HSPA12B: variants seen among roughly 807,000 people sequenced by gnomAD.
HSPA12B encodes the protein heat shock protein family A (Hsp70) member 12B, also known as heat shock 70 kDa protein 12B.
In HSPA12B, 54 loss-of-function variants were observed where a neutral mutation model predicts 69.3. That is an observed-to-expected ratio of 0.78 (90% CI 0.63 to 0.98). The LOEUF (loss-of-function observed/expected upper bound fraction) is 0.98. Among genes scored for constraint, HSPA12B ranks in the 50% least tolerant of loss-of-function variants. The probability of loss-of-function intolerance (pLI) is 0.00; values close to 1 mark genes in which losing one functional copy is unlikely to be tolerated. For missense variants in HSPA12B, 929 were observed against 999.8 expected (o/e 0.93, Z 0.96); for synonymous variants, 441 against 436.5 (o/e 1.01, Z -0.13).
At position 3,753,099 on chromosome 20, in the gene HSPA12B, T is replaced by G. The variant is rs555638027; in HGVS notation, c.*933T>G. On this transcript the variant is annotated 3_prime_UTR_variant, in exon 13 of 13. Coordinates refer to ENST00000254963, the MANE Select transcript of HSPA12B (RefSeq NM_052970.5). The stretch of plus-strand genomic sequence containing the variant: ...CCCTGAGGTGACAATAAAACATTTA[T>G]GCTCAAGGGGAAGCCACAGCCTGCT... 6.5e-6 allele frequency: 1 copy of G among 152,806 alleles called. No homozygotes were observed. Among genetic ancestry groups the G allele is most frequent in the African/African-American group, 2.4e-5 (1 of 41,448 alleles). 9.5% of individuals were successfully genotyped at this position (152,806 alleles called of 1,614,324 possible). A position where few individuals can be genotyped will look rare whatever the true frequency, so the allele number is the denominator to read the frequency against.
In HSPA12B at chr20:3,742,273, T is replaced by G; in HGVS notation, c.142-11T>G. The G allele has an allele frequency of 6.2e-7, 1 of 1,613,190 alleles. No individual in the cohort carries two copies. Among genetic ancestry groups the G allele is most frequent in the Non-Finnish European group, 8.5e-7 (1 of 1,179,366 alleles). ...CTGGCTGCTTGCTAATTCTAAGTCT[T>G]GCACTTGCAGAAACCCGAGGTCCGA... is the stretch of plus-strand genomic sequence containing the variant. On this transcript the variant is annotated splice_polypyrimidine_tract_variant and intron_variant, in intron 3 of 12. Coordinates refer to ENST00000254963, the MANE Select transcript of HSPA12B (RefSeq NM_052970.5).
At position 3,740,583 on chromosome 20, in the gene HSPA12B, G is replaced by A. The variant is rs1352923517; in HGVS notation, c.44-232G>A. Among the ~76,000 whole-genome samples, 2 of 152,156 alleles carry A rather than the reference G, an allele frequency of 1.3e-5. No individual in the cohort carries two copies. Among genetic ancestry groups the A allele is most frequent in the Non-Finnish European group, 2.9e-5 (2 of 68,010 alleles). ...CTAGTGGGGAGACAGTGAGCTCCTGGGGAAAGCATGGGTCATCTGCTAGGG... is the reference window on the plus strand; with the variant it reads ...CTAGTGGGGAGACAGTGAGCTCCTGAGGAAAGCATGGGTCATCTGCTAGGG... On this transcript the variant is annotated intron_variant, in intron 2 of 12. Coordinates refer to ENST00000254963, the MANE Select transcript of HSPA12B (RefSeq NM_052970.5). This position sits in a 1 kb window ranked among gnomAD's most constrained non-coding sequence, Gnocchi z 4.9.
chr20:3,749,142 A>C lies in HSPA12B; in HGVS notation c.851-90A>C. 8.7e-7 allele frequency: 1 copy of C among 1,146,318 alleles called. No individual in the cohort carries two copies. Among genetic ancestry groups the C allele is most frequent in the Non-Finnish European group, 1.3e-6 (1 of 792,866 alleles). 71.0% of individuals were successfully genotyped at this position (1,146,318 alleles called of 1,614,324 possible). On this transcript the variant is annotated intron_variant, in intron 8 of 12. Coordinates refer to ENST00000254963, the MANE Select transcript of HSPA12B (RefSeq NM_052970.5). The surrounding 1 kb of genome is among the most constrained non-coding windows in gnomAD (Gnocchi z 5.5). The stretch of plus-strand genomic sequence containing the variant: ...GGAGCACTGGCTGCTCCCAGTGCCC[A>C]TGGAGGTCCTGGGCAGGAGGATGGG...
rs1568474994 is a variant in HSPA12B, at chr20:3,744,428, CTG to C, written c.267-473_267-472del. On this transcript the variant is annotated intron_variant, in intron 4 of 12. Transcript: ENST00000254963. The surrounding 1 kb of genome is among the most constrained non-coding windows in gnomAD (Gnocchi z 4.9). ...TGGAGGTGACAGTCACAGGAAATAA[CTG>C]GGGGACATTCCAGCCTCCTCCCAAG... 6.6e-6 allele frequency among the ~76,000 whole-genome samples: 1 copy of C among 152,200 alleles called. No individual in the cohort carries two copies. Among genetic ancestry groups the C allele is most frequent in the South Asian group, 2.1e-4 (1 of 4,834 alleles).
In HSPA12B at chr20:3,749,739, C is replaced by A; in HGVS notation, c.938-11C>A. On this transcript the variant is annotated splice_polypyrimidine_tract_variant and intron_variant, in intron 9 of 12. Coordinates refer to ENST00000254963, the MANE Select transcript of HSPA12B (RefSeq NM_052970.5). This position sits in a 1 kb window ranked among gnomAD's most constrained non-coding sequence, Gnocchi z 5.5. ...CCGCCCACGAGTGTGTGCCCGCGCT[C>A]GCCGCCGCAGGAGACCGCTACGTGG... The A allele has an allele frequency of 6.4e-7, 1 of 1,567,386 alleles. No individual in the cohort carries two copies. Among genetic ancestry groups the A allele is most frequent in the Non-Finnish European group, 8.6e-7 (1 of 1,160,756 alleles).
chr20:3,742,060 C>T (rs1311889337), intron 3 of HSPA12B, among the ~76,000 whole-genome samples: 3 of 151,954 alleles, frequency 2.0e-5, no homozygotes, highest in Non-Finnish European at 2.9e-5. Context: ...TTGAGCCAAA[C>T]CCTGCCTGGG....
Position 3,751,545 on chromosome 20 carries a change from G to C in HSPA12B, c.1440G>C (p.Val480=), listed in dbSNP as rs766725245. ...ALLARPEVQG[V]KLLFLVGGFA... Reference sequence around the variant, plus strand: ...TGGCACGGCCGGAGGTGCAGGGTGTGAAGCTGCTGTTCCTAGTGGGCGGCT... The same window carrying C: ...TGGCACGGCCGGAGGTGCAGGGTGTCAAGCTGCTGTTCCTAGTGGGCGGCT... The change falls in exon 13 of 13, where the codon GTG becomes GTC. Residue 480 remains valine, a synonymous_variant. Transcript: ENST00000254963. 6.7e-7 allele frequency: 1 copy of C among 1,484,008 alleles called. No individual in the cohort carries two copies. The highest frequency in any genetic ancestry group is 8.9e-7 in the Non-Finnish European group (1 of 1,118,516). 91.9% of individuals were successfully genotyped at this position (1,484,008 alleles called of 1,614,324 possible). A position where few individuals can be genotyped will look rare whatever the true frequency, so the allele number is the denominator to read the frequency against.
In HSPA12B at chr20:3,746,301, C is replaced by CTTTTTTTTT. The variant is rs11473544; in HGVS notation, c.675+283_675+291dup. Among the ~76,000 whole-genome samples, 38 of 89,230 alleles carry CTTTTTTTTT rather than the reference C, an allele frequency of 4.3e-4. 3 individuals carry two copies. Among genetic ancestry groups the CTTTTTTTTT allele is most frequent in the East Asian group, 3.6e-3 (9 of 2,506 alleles). The allele number at this position is 89,230 out of a possible 152,430, so 58.5% of individuals were successfully genotyped here. On this transcript the variant is annotated intron_variant, in intron 7 of 12. Coordinates refer to ENST00000254963, the MANE Select transcript of HSPA12B (RefSeq NM_052970.5). Reference sequence around the variant, plus strand: ...AAAAGCAGAGCCCAAGATGGAGAGTCTTTTTTTTTTTTTTTTTTTTTGAGA... The same window carrying CTTTTTTTTT: ...AAAAGCAGAGCCCAAGATGGAGAGTCTTTTTTTTTTTTTTTTTTTTTTTTTTTTTTGAGA...
chr20:3,750,788 C>T lies in HSPA12B; in HGVS notation c.1302-16C>T. The T allele has an allele frequency of 6.2e-7, 1 of 1,613,654 alleles. No homozygotes were observed. On this transcript the variant is annotated splice_polypyrimidine_tract_variant and intron_variant, in intron 11 of 12. Transcript: ENST00000254963. ...GGCCCTGACCGATGGATATTTGCCC[C>T]TTTCACCACCAACAGCGTGAACTTC...
intron 1 of HSPA12B, 94 bp from the exon 2 acceptor site, chr20:3,738,564 C>T: frequency 7.9e-7 from 1 of 1,259,858 alleles, no homozygotes; most frequent in Non-Finnish European, 1.1e-6. Context: ...CAAAGGACTC[C>T]AGCCAAAAGT....
chr20:3,733,447 G>A (rs929981282), intron 1 of HSPA12B, among the ~76,000 whole-genome samples: 4 of 152,192 alleles, frequency 2.6e-5, no homozygotes, highest in African/African-American at 9.7e-5. Context: ...GGGGTAATGG[G>A]GGGCTGTGGG....
chr20:3,748,088 C>G, intron 7 of HSPA12B, 129 bp from the exon 8 acceptor site: 1 of 826,278 alleles, frequency 1.2e-6, no homozygotes, highest in Non-Finnish European at 1.8e-6. Context: ...GCCTGAGAGG[C>G]CTAACATGGG....
intron 1 of HSPA12B, among the ~76,000 whole-genome samples, chr20:3,735,920 C>T (rs2088102188): frequency 6.6e-6 from 1 of 152,148 alleles, no homozygotes; most frequent in African/African-American, 2.4e-5. Flanking sequence ...GCTGAAGAAT[C>T]AGAACAACAT....
At position 3,752,501 on chromosome 20, in the gene HSPA12B, A is replaced by C; in HGVS notation, c.*335A>C. On this transcript the variant is annotated 3_prime_UTR_variant, in exon 13 of 13. Coordinates refer to ENST00000254963, the MANE Select transcript of HSPA12B (RefSeq NM_052970.5). The stretch of plus-strand genomic sequence containing the variant: ...ACGCAACAGAAGAGTCCTGGTCTGA[A>C]CTTGGCCGAGTAGGGGTGGGGGTGG... 3 of 152,582 alleles carry C rather than the reference A, an allele frequency of 2.0e-5. No individual in the cohort carries two copies. Among genetic ancestry groups the C allele is most frequent in the Non-Finnish European group, 4.1e-5 (3 of 72,542 alleles). The allele number at this position is 152,582 out of a possible 1,614,324, so 9.5% of individuals were successfully genotyped here. A position where few individuals can be genotyped will look rare whatever the true frequency, so the allele number is the denominator to read the frequency against.
intron 11 of HSPA12B, 72 bp downstream of exon 11, chr20:3,750,299 G>A: frequency 1.4e-6 from 2 of 1,432,058 alleles, no homozygotes; most frequent in East Asian, 2.4e-5. Context: ...AGGGTCCCGG[G>A]CCCCAAGGAA....
At position 3,745,745 on chromosome 20, in the gene HSPA12B, T is replaced by C. The variant is rs2088289259; in HGVS notation, c.558+148T>C. On this transcript the variant is annotated intron_variant, in intron 6 of 12. Transcript: ENST00000254963. The surrounding 1 kb of genome is among the most constrained non-coding windows in gnomAD (Gnocchi z 5.6). The stretch of plus-strand genomic sequence containing the variant: ...ATCTTCTCCAGTACCCTCCTCCCTT[T>C]TTGTCTGGTAGAGCCTGCACCAAGC... 2.2e-6 allele frequency: 2 copies of C among 927,940 alleles called. No homozygotes were observed. The highest frequency in any genetic ancestry group is 2.8e-5 in the South Asian group (2 of 70,758). 57.5% of individuals were successfully genotyped at this position (927,940 alleles called of 1,614,324 possible).
intron 7 of HSPA12B, among the ~76,000 whole-genome samples, chr20:3,747,989 T>C (rs2088337529): frequency 1.3e-5 from 2 of 152,262 alleles, no homozygotes; most frequent in South Asian, 4.1e-4. Flanking sequence ...GCTGGGCAAC[T>C]TCTTGGCATA....
Position 3,749,455 on chromosome 20 carries a change from CA to C in HSPA12B, c.937+138del, listed in dbSNP as rs2088368602. 2 of 794,412 alleles carry C rather than the reference CA, an allele frequency of 2.5e-6. No individual in the cohort carries two copies. Among genetic ancestry groups the C allele is most frequent in the Admixed American group, 4.5e-5 (2 of 43,984 alleles). 49.2% of individuals were successfully genotyped at this position (794,412 alleles called of 1,614,324 possible). On this transcript the variant is annotated intron_variant, in intron 9 of 12. Coordinates refer to ENST00000254963, the MANE Select transcript of HSPA12B (RefSeq NM_052970.5). The surrounding 1 kb of genome is among the most constrained non-coding windows in gnomAD (Gnocchi z 5.5). ...CCCAACCTGGCCGTCCCCTCACAGT[CA>C]CCCGCACCCCCACCCCACTCACAGC...
At position 3,745,812 on chromosome 20, in the gene HSPA12B, G is replaced by A; in HGVS notation, c.559-103G>A. 1 of 1,124,282 alleles carries A rather than the reference G, an allele frequency of 8.9e-7. No individual in the cohort carries two copies. Among genetic ancestry groups the A allele is most frequent in the Non-Finnish European group, 1.4e-6 (1 of 736,212 alleles). The allele number at this position is 1,124,282 out of a possible 1,614,324, so 69.6% of individuals were successfully genotyped here. ...GGGCCGATTCTTCCAGCTCTGCTGG[G>A]AAGTCCTTCCTGTGATTTGATTAGT... On this transcript the variant is annotated intron_variant, in intron 6 of 12. Transcript: ENST00000254963. The surrounding 1 kb of genome is among the most constrained non-coding windows in gnomAD (Gnocchi z 5.6).
Sources: gnomAD v4.1 joint callset for allele counts (sites outside exome capture counted in the v4.1 genomes callset) on GRCh38, gnomAD v4.1.1 for gene constraint, Gnocchi (gnomAD v3.1) non-coding constraint, MANE v1.5 for transcripts, NCBI Gene and HGNC (gene_info 2026-07-23, HGNC 2026-07-21) for gene names.